The following SCHIP1 variants were observed in gnomAD, a reference collection of about 807,000 sequenced individuals.
SCHIP1 encodes the protein schwannomin interacting protein 1.
A neutral mutation model predicts 29.7 loss-of-function variants in SCHIP1; 8 were observed. The ratio of observed to expected loss-of-function variants is 0.27; its 90% CI spans 0.16 to 0.49. The LOEUF is 0.49. Ranked by LOEUF, SCHIP1 falls within the 20% of genes least tolerant of loss-of-function variation. The pLI, the probability that SCHIP1 is intolerant of heterozygous loss-of-function variation, is 0.99. For synonymous variants in SCHIP1, 76 were observed against 94.9 expected, an observed-to-expected ratio of 0.80 and a Z score of 1.16; for missense variants, 193 against 294.6, an observed-to-expected ratio of 0.66 and a Z score of 2.52.
At chr3:159,786,955 C>T in the SCHIP1 span, among the ~76,000 whole-genome samples, 2 of 152,170 alleles carry the variant, frequency 1.3e-5, no homozygotes, top group East Asian at 1.9e-4. Context: ...TCACAGTAAG[C>T]GAGTCTGAGT....
At chr3:159,709,551 A>T in the SCHIP1 span, among the ~76,000 whole-genome samples, 2 of 152,242 alleles carry the variant, frequency 1.3e-5, no homozygotes, top group African/African-American at 4.8e-5. Context: ...TGAGTCTTCC[A>T]TTTGATTTAC....
chr3:159,654,326 A>C, the SCHIP1 span, among the ~76,000 whole-genome samples: 1 of 152,108 alleles, frequency 6.6e-6, no homozygotes, highest in African/African-American at 2.4e-5. Flanking sequence ...CCAACTCTCT[A>C]TCAGATTTGG....
chr3:159,707,074 TC>T, the SCHIP1 span, among the ~76,000 whole-genome samples: 93 of 152,264 alleles, frequency 6.1e-4, no homozygotes, highest in South Asian at 1.0e-3. Flanking sequence ...AAATAAAATT[TC>T]AATGGTGGCA....
At chr3:159,486,064 T>C in the SCHIP1 span, among the ~76,000 whole-genome samples, 1 of 152,170 alleles carries the variant, frequency 6.6e-6, no homozygotes, top group East Asian at 1.9e-4. Flanking sequence ...CAGTGTGATG[T>C]TTTGGTATAC....
chr3:159,331,413 G>A, the SCHIP1 span, among the ~76,000 whole-genome samples: 2 of 152,186 alleles, frequency 1.3e-5, no homozygotes, highest in African/African-American at 4.8e-5. Flanking sequence ...AGTTGCAGGT[G>A]TATGTACTGA....
the SCHIP1 span, among the ~76,000 whole-genome samples, chr3:159,359,244 A>G: frequency 6.6e-6 from 1 of 152,220 alleles, no homozygotes; most frequent in Admixed American, 6.5e-5. Context: ...TGATTTTTAA[A>G]GGACAAAGCA....
chr3:159,635,858 CTCTTT>C, the SCHIP1 span, among the ~76,000 whole-genome samples: 7 of 152,244 alleles, frequency 4.6e-5, no homozygotes, highest in South Asian at 1.5e-3. Flanking sequence ...TCAAACTATG[CTCTTT>C]TCTTGATAAA....
At chr3:159,822,569 AAATTTT>A in the SCHIP1 span, among the ~76,000 whole-genome samples, 1 of 151,260 alleles carries the variant, frequency 6.6e-6, no homozygotes, top group African/African-American at 2.4e-5. Context: ...TTACAGGCCA[AAATTTT>A]GCAGGGACCA....
the SCHIP1 span, among the ~76,000 whole-genome samples, chr3:159,370,839 A>G: frequency 6.6e-6 from 1 of 152,156 alleles, no homozygotes. Flanking sequence ...TCAGGCCTTC[A>G]GAATCAGACT....
the SCHIP1 span, among the ~76,000 whole-genome samples, chr3:159,689,347 C>T: frequency 6.6e-6 from 1 of 152,040 alleles, no homozygotes; most frequent in Non-Finnish European, 1.5e-5. Context: ...GTATTTTATT[C>T]TCTTTGTAGC....
At chr3:159,662,274 T>G in the SCHIP1 span, among the ~76,000 whole-genome samples, 1 of 152,224 alleles carries the variant, frequency 6.6e-6, no homozygotes, top group Non-Finnish European at 1.5e-5. Context: ...TAAGAACCCC[T>G]TCCCCTCCCT....
chr3:159,406,190 G>T, the SCHIP1 span, among the ~76,000 whole-genome samples: 1 of 151,808 alleles, frequency 6.6e-6, no homozygotes. Context: ...AACTCCCAAA[G>T]GTCAAGTTTA....
the SCHIP1 span, among the ~76,000 whole-genome samples, chr3:159,379,221 G>GT: frequency 6.8e-6 from 1 of 146,532 alleles, no homozygotes; most frequent in African/African-American, 2.7e-5. Flanking sequence ...GGTTTTTTTG[G>GT]TTTTTGTTTT....
the SCHIP1 span, among the ~76,000 whole-genome samples, chr3:159,341,557 A>G: frequency 6.6e-6 from 1 of 152,100 alleles, no homozygotes; most frequent in Non-Finnish European, 1.5e-5. Context: ...AGGGCTGTTC[A>G]GTAGTTGTTA....
chr3:159,412,450 A>G, the SCHIP1 span, among the ~76,000 whole-genome samples: 4 of 152,226 alleles, frequency 2.6e-5, no homozygotes, highest in Non-Finnish European at 5.9e-5. Context: ...CTGCATCCTG[A>G]CATGATACAT....
the SCHIP1 span, among the ~76,000 whole-genome samples, chr3:159,346,200 AG>A: frequency 6.6e-6 from 1 of 151,220 alleles, no homozygotes; most frequent in Non-Finnish European, 1.5e-5. Flanking sequence ...AAAAAAAAAA[AG>A]AAAAAAGAAA....
At chr3:159,697,513 T>C in the SCHIP1 span, among the ~76,000 whole-genome samples, 1 of 152,206 alleles carries the variant, frequency 6.6e-6, no homozygotes, top group East Asian at 1.9e-4. Flanking sequence ...TATTCACCTC[T>C]GCATCTCCAG....
intron 1 of SCHIP1, among the ~76,000 whole-genome samples, chr3:159,844,726 T>C (rs1711555329): frequency 1.3e-5 from 2 of 152,232 alleles, no homozygotes; most frequent in Admixed American, 1.3e-4. Flanking sequence ...TAAAAGCTCT[T>C]AAATATTTTT....
At chr3:159,551,256 A>G in the SCHIP1 span, among the ~76,000 whole-genome samples, 1 of 152,230 alleles carries the variant, frequency 6.6e-6, no homozygotes. Flanking sequence ...CAGGGGAAGC[A>G]ATTCCTTTAC....
Sources: allele counts gnomAD v4.1 joint callset (sites outside exome capture counted in the v4.1 genomes callset), GRCh38; gene constraint gnomAD v4.1.1; transcripts MANE v1.5; gene names NCBI Gene and HGNC (gene_info 2026-07-23, HGNC 2026-07-21).